The following DOP1B variants were observed in gnomAD, a reference collection of about 807,000 sequenced individuals.
DOP1B encodes the protein protein DOP1B.
Under a neutral mutation model 233.5 loss-of-function variants are expected in DOP1B, and 174 were observed. The ratio of observed to expected loss-of-function variants is 0.75; its 90% CI spans 0.66 to 0.85. The LOEUF (loss-of-function observed/expected upper bound fraction) is 0.85, where lower values mean the gene tolerates loss of function less well. DOP1B is among the 40% of genes least tolerant of loss of function. The probability of loss-of-function intolerance (pLI) is 0.00; values close to 1 mark genes in which losing one functional copy is unlikely to be tolerated. For missense variants in DOP1B, 2,652 were observed against 2,846.6 expected (o/e 0.93, Z 1.56); for synonymous variants, 1,190 against 1,185.6 (o/e 1.00, Z -0.08).
At chr21:36,241,893 G>GA (rs2066896332) in intron 18 of DOP1B, among the ~76,000 whole-genome samples, 1 of 150,760 alleles carries the variant, frequency 6.6e-6, no homozygotes, top group Non-Finnish European at 1.5e-5. Flanking sequence ...GTAAGCAGAG[G>GA]TGTGTGAAAT....
At chr21:36,202,492 G>A (rs2066380125) in intron 4 of DOP1B, among the ~76,000 whole-genome samples, 1 of 152,186 alleles carries the variant, frequency 6.6e-6, no homozygotes, top group South Asian at 2.1e-4. Context: ...CAGGAGGCTG[G>A]AGTCTAACCC....
rs571085396 is a variant in DOP1B at position 36,211,460 on chromosome 21, G to T, written c.682-93G>T. ...CTGGTTCTCTTCTGAGTGATATAAC[G>T]CAGGAGTTTCAAGATTCCCGGGAAA... On this transcript the variant is annotated intron_variant, in intron 5 of 36. Coordinates refer to ENST00000691173, the MANE Select transcript of DOP1B (RefSeq NM_001320714.2). 8.9e-5 allele frequency: 103 copies of T among 1,150,902 alleles called. No individual in the cohort carries two copies. The Admixed American group carries it at 1.4e-3, about 16-fold the overall frequency. The allele number at this position is 1,150,902 out of a possible 1,614,324, so 71.3% of individuals were successfully genotyped here.
At chr21:36,209,046 T>C (rs986646629) in intron 5 of DOP1B, 142 bp downstream of exon 5, 23 of 971,090 alleles carry the variant, frequency 2.4e-5, no homozygotes, top group Non-Finnish European at 3.2e-5. Flanking sequence ...AACGAACGGC[T>C]GAGCAAGGCG....
chr21:36,171,673 T>G (rs990267590), intron 2 of DOP1B, among the ~76,000 whole-genome samples: 1 of 152,154 alleles, frequency 6.6e-6, no homozygotes, highest in Admixed American at 6.5e-5. Context: ...CGGGACAGAT[T>G]GTCTATGCAG....
At position 36,230,581 on chromosome 21, in the gene DOP1B, GCT is replaced by G. The variant is rs1316391301; in HGVS notation, c.1802_1803del (p.Ser601Ter). ...GIGLSASSPE[L>X]SEHLRVPRVS... ...TCGGGCTCAGTGCCTCGTCACCGGA[GCT>G]CTCTGAGCACTTGAGGGTTCCTCGA... On this transcript the variant is annotated frameshift_variant, in exon 14 of 37. Coordinates refer to ENST00000691173, the MANE Select transcript of DOP1B (RefSeq NM_001320714.2). LOFTEE classifies it high-confidence loss of function. The G allele has an allele frequency of 6.2e-7, 1 of 1,614,220 alleles. No individual in the cohort carries two copies. Among genetic ancestry groups the G allele is most frequent in the Non-Finnish European group, 8.5e-7 (1 of 1,180,046 alleles).
chr21:36,274,589 C>T (rs986862171), intron 27 of DOP1B, among the ~76,000 whole-genome samples: 2 of 152,034 alleles, frequency 1.3e-5, no homozygotes, highest in South Asian at 2.1e-4. Context: ...ACAATGTGTC[C>T]GAAGGCCCCA....
chr21:36,170,058 G>T, intron 2 of DOP1B: 2 of 706,668 alleles, frequency 2.8e-6, no homozygotes, highest in South Asian at 2.8e-5. Context: ...CTGTGACGTT[G>T]ACCAGCTTGG....
chr21:36,171,673 T>C (rs990267590), intron 2 of DOP1B, among the ~76,000 whole-genome samples: 1 of 152,154 alleles, frequency 6.6e-6, no homozygotes, highest in Non-Finnish European at 1.5e-5. Context: ...CGGGACAGAT[T>C]GTCTATGCAG....
chr21:36,214,561 T>C lies in DOP1B; in HGVS notation c.1129+5T>C, dbSNP rs1342991381. 2 of 1,612,714 alleles carry C rather than the reference T, an allele frequency of 1.2e-6. No homozygotes were observed. The highest frequency in any genetic ancestry group is 1.3e-5 in the African/African-American group (1 of 74,876). On this transcript the variant is annotated splice_donor_5th_base_variant and intron_variant, in intron 9 of 36. Coordinates refer to ENST00000691173, the MANE Select transcript of DOP1B (RefSeq NM_001320714.2). Reference sequence around the variant, plus strand: ...TGCTTGACAAGCCAGAAATAGGTAATGTTAGAAATGCTGCTTCTATCCTAT... The same window carrying C: ...TGCTTGACAAGCCAGAAATAGGTAACGTTAGAAATGCTGCTTCTATCCTAT...
intron 1 of DOP1B, among the ~76,000 whole-genome samples, chr21:36,158,468 C>T (rs897726066): frequency 2.0e-5 from 3 of 152,160 alleles, no homozygotes; most frequent in Non-Finnish European, 2.9e-5. Context: ...ATATCCTCAT[C>T]TTGGGCCTAA....
intron 2 of DOP1B, among the ~76,000 whole-genome samples, chr21:36,166,831 C>T (rs1482931860): frequency 6.6e-6 from 1 of 152,208 alleles, no homozygotes; most frequent in Non-Finnish European, 1.5e-5. Flanking sequence ...AGGCACGCTG[C>T]AGATGGGCAG....
chr21:36,218,768 C>T (rs2066590440), intron 9 of DOP1B, among the ~76,000 whole-genome samples: 1 of 152,194 alleles, frequency 6.6e-6, no homozygotes, highest in African/African-American at 2.4e-5. Flanking sequence ...TGCGGAGCAG[C>T]AATGCCCTGC....
intron 2 of DOP1B, 118 bp from the exon 3 acceptor site, chr21:36,198,952 C>A (rs2066325590): frequency 9.0e-7 from 1 of 1,115,726 alleles, no homozygotes; most frequent in Non-Finnish European, 1.3e-6. Flanking sequence ...TTGTGTATGT[C>A]TCTTTCTTAC....
intron 2 of DOP1B, among the ~76,000 whole-genome samples, chr21:36,183,080 G>A (rs567932909): frequency 6.6e-6 from 1 of 152,284 alleles, no homozygotes; most frequent in Admixed American, 6.5e-5. Flanking sequence ...GAGTGCAGGA[G>A]CTGTTTACAG....
At chr21:36,249,305 G>A (rs898082925) in intron 21 of DOP1B, among the ~76,000 whole-genome samples, 1 of 152,094 alleles carries the variant, frequency 6.6e-6, no homozygotes, top group South Asian at 2.1e-4. Flanking sequence ...GCAGGCACCT[G>A]TAGTCCGAGC....
At chr21:36,213,421 G>A (rs777025418) in intron 7 of DOP1B, among the ~76,000 whole-genome samples, 7 of 151,920 alleles carry the variant, frequency 4.6e-5, no homozygotes, top group Non-Finnish European at 8.8e-5. Flanking sequence ...CTTATCCAGG[G>A]CTCCAGCTGA....
chr21:36,163,702 C>A (rs2065887001), intron 1 of DOP1B, among the ~76,000 whole-genome samples: 1 of 152,300 alleles, frequency 6.6e-6, no homozygotes, highest in Non-Finnish European at 1.5e-5. Context: ...TTGTGGTTGG[C>A]TATAACAGAA....
rs1261910185 is a variant in DOP1B at position 36,157,328 on chromosome 21, C to T, written c.-27+385C>T. Among the ~76,000 whole-genome samples the T allele has an allele frequency of 3.9e-5, 6 of 152,322 alleles. No individual in the cohort carries two copies. In the East Asian group the frequency reaches 1.2e-3, roughly 29 times the overall value. ...CTCCCGGGGCCGGCCCACGAAGAGA[C>T]GCTCAGCCTTTGTTTGCTGGTGCCC... On this transcript the variant is annotated intron_variant, in intron 1 of 36. Coordinates refer to ENST00000691173, the MANE Select transcript of DOP1B (RefSeq NM_001320714.2).
At chr21:36,181,423 C>T (rs983716046) in intron 2 of DOP1B, among the ~76,000 whole-genome samples, 7 of 152,118 alleles carry the variant, frequency 4.6e-5, no homozygotes, top group East Asian at 1.9e-4. Context: ...GGATTACAGG[C>T]GTGTGCCACC....
Sources: gnomAD v4.1 joint callset for allele counts (sites outside exome capture counted in the v4.1 genomes callset) on GRCh38, gnomAD v4.1.1 for gene constraint, MANE v1.5 for transcripts, NCBI Gene and HGNC (gene_info 2026-07-23, HGNC 2026-07-21) for gene names.